Variants in TGFBR2 observed in about 807,000 individuals in gnomAD.
TGFBR2 encodes the protein transforming growth factor beta receptor 2.
TGFBR2 carries 18 observed loss-of-function variants against 49.0 expected under a neutral mutation model. The ratio of observed to expected loss-of-function variants is 0.37; its 90% CI spans 0.25 to 0.54. The LOEUF is 0.54. Among genes scored for constraint, TGFBR2 ranks in the 20% least tolerant of loss-of-function variants. The probability of loss-of-function intolerance (pLI) is 0.85; values close to 1 mark genes in which losing one functional copy is unlikely to be tolerated. For missense variants in TGFBR2, 525 were observed against 722.6 expected (o/e 0.73, Z 3.13); for synonymous variants, 282 against 275.9 (o/e 1.02, Z -0.22).
chr3:30,638,812 G>A (rs1698589905), intron 1 of TGFBR2, among the ~76,000 whole-genome samples: 2 of 152,240 alleles, frequency 1.3e-5, no homozygotes, highest in South Asian at 4.2e-4. Context: ...GTTCTGGGTG[G>A]GAGGAAGTGT....
chr3:30,638,532 A>G (rs1389951319), intron 1 of TGFBR2, among the ~76,000 whole-genome samples: 1 of 152,164 alleles, frequency 6.6e-6, no homozygotes, highest in African/African-American at 2.4e-5. Context: ...CTCTTCTCTC[A>G]AGGTATAATT....
intron 1 of TGFBR2, among the ~76,000 whole-genome samples, chr3:30,626,068 G>T (rs1008054596): frequency 6.6e-6 from 1 of 152,148 alleles, no homozygotes; most frequent in Non-Finnish European, 1.5e-5. Flanking sequence ...CCCTGGGGTA[G>T]GACTTTGGCA....
At chr3:30,609,247 T>C (rs1049503543) in intron 1 of TGFBR2, among the ~76,000 whole-genome samples, 1 of 152,356 alleles carries the variant, frequency 6.6e-6, no homozygotes, top group East Asian at 1.9e-4. Flanking sequence ...AAGACAGATA[T>C]ATTGAAGACG....
rs1210414448 is a variant in TGFBR2 at position 30,607,836 on chromosome 3, TA to T, written c.94+861del. Among the ~76,000 whole-genome samples, 470 of 125,974 alleles carry T rather than the reference TA, an allele frequency of 3.7e-3. 5 individuals are homozygous for T. The highest frequency in any genetic ancestry group is 0.019 in the African/African-American group (453 of 23,520). 82.6% of individuals were successfully genotyped at this position (125,974 alleles called of 152,430 possible). On this transcript the variant is annotated intron_variant, in intron 1 of 6. Transcript: ENST00000295754. Reference sequence around the variant, plus strand: ...TATTATATATATATAAATATATATATAATTATATATATAAATATATATAATA... The same window carrying T: ...TATTATATATATATAAATATATATATATTATATATATAAATATATATAATA...
At position 30,674,099 on chromosome 3, in the gene TGFBR2, C is replaced by A. The variant is rs2125438683; in HGVS notation, c.1255-6C>A. ...TGATGGGCCTCACTGTCTGTTTTTG[C>A]TATAGGTGGGAACTGCAAGATACAT... On this transcript the variant is annotated splice_region_variant and splice_polypyrimidine_tract_variant and intron_variant, in intron 4 of 6. Coordinates refer to ENST00000295754, the MANE Select transcript of TGFBR2 (RefSeq NM_003242.6). The A allele has an allele frequency of 6.2e-7, 1 of 1,614,086 alleles. No individual in the cohort carries two copies. The highest frequency in any genetic ancestry group is 8.5e-7 in the Non-Finnish European group (1 of 1,179,990).
intron 1 of TGFBR2, among the ~76,000 whole-genome samples, chr3:30,615,893 G>GT (rs140474658): frequency 0.022 from 3,337 of 151,722 alleles, 48 homozygotes; most frequent in Middle Eastern, 0.034. Flanking sequence ...AGACCGGCCA[G>GT]TTTTTTGTTT....
At chr3:30,634,500 C>A (rs1698492637) in intron 1 of TGFBR2, among the ~76,000 whole-genome samples, 1 of 152,100 alleles carries the variant, frequency 6.6e-6, no homozygotes, top group Non-Finnish European at 1.5e-5. Flanking sequence ...GTCCCCCTTC[C>A]CTCAAGGGTT....
In TGFBR2 at chr3:30,693,023, T is replaced by C. The variant is rs1202453218; in HGVS notation, c.*1424T>C. ...CCTAACCAAGGTCCCTTGTAAGAAA[T>C]GTCCATTCAAGCAGTCATTCTCTGG... On this transcript the variant is annotated 3_prime_UTR_variant, in exon 7 of 7. Coordinates refer to ENST00000295754, the MANE Select transcript of TGFBR2 (RefSeq NM_003242.6). 1 of 233,128 alleles carries C rather than the reference T, an allele frequency of 4.3e-6. No homozygotes were observed. The highest frequency in any genetic ancestry group is 5.6e-5 in the Admixed American group (1 of 17,772). 14.4% of individuals were successfully genotyped at this position (233,128 alleles called of 1,614,324 possible). A position where few individuals can be genotyped will look rare whatever the true frequency, so the allele number is the denominator to read the frequency against.
In TGFBR2 at chr3:30,615,016, A is replaced by T. The variant is rs143548896; in HGVS notation, c.94+8039A>T. The stretch of plus-strand genomic sequence containing the variant: ...AGTGTAATAAAATAACACTCGGTTT[A>T]TACACCAGGTAGTCAAACATCATGC... On this transcript the variant is annotated intron_variant, in intron 1 of 6. Transcript: ENST00000295754. Among the ~76,000 whole-genome samples, 66 of 152,352 alleles carry T rather than the reference A, an allele frequency of 4.3e-4. 2 individuals are homozygous for T. The East Asian group carries it at 0.012, about 28-fold the overall frequency.
intron 3 of TGFBR2, among the ~76,000 whole-genome samples, chr3:30,653,582 A>G (rs1698940314): frequency 6.6e-6 from 1 of 151,880 alleles, no homozygotes; most frequent in Non-Finnish European, 1.5e-5. Context: ...TGATTTGTCT[A>G]CTCCAAGTCC....
intron 3 of TGFBR2, among the ~76,000 whole-genome samples, chr3:30,652,522 C>T (rs755016291): frequency 3.9e-5 from 6 of 152,158 alleles, no homozygotes; most frequent in Non-Finnish European, 5.9e-5. Context: ...GCATGAACCA[C>T]TGTGCTTGGC....
chr3:30,610,718 A>G, intron 1 of TGFBR2, among the ~76,000 whole-genome samples: 1 of 152,190 alleles, frequency 6.6e-6, no homozygotes, highest in East Asian at 1.9e-4. Flanking sequence ...ATATTGTTTT[A>G]AAGTATTTAA....
intron 1 of TGFBR2, among the ~76,000 whole-genome samples, chr3:30,627,279 A>G (rs1481808601): frequency 6.6e-6 from 1 of 152,148 alleles, no homozygotes; most frequent in African/African-American, 2.4e-5. Flanking sequence ...GGCCTCCCTC[A>G]TAGACATTTT....
intron 1 of TGFBR2, among the ~76,000 whole-genome samples, chr3:30,628,540 T>G (rs1195587417): frequency 1.4e-5 from 2 of 148,112 alleles, no homozygotes; most frequent in South Asian, 2.1e-4. Context: ...TTTTTTTTTT[T>G]TTTTTTTTTT....
intron 1 of TGFBR2, among the ~76,000 whole-genome samples, chr3:30,643,739 G>T (rs1303866572): frequency 1.3e-5 from 2 of 152,228 alleles, no homozygotes; most frequent in Non-Finnish European, 2.9e-5. Context: ...GTGAGGTGGA[G>T]AAAGTTTCAT....
intron 2 of TGFBR2, among the ~76,000 whole-genome samples, chr3:30,648,456 A>ACC (rs1698816082): frequency 7.1e-6 from 1 of 140,184 alleles, no homozygotes; most frequent in African/African-American, 2.7e-5. Flanking sequence ...ACACACACAC[A>ACC]CACACAAAAC....
chr3:30,645,623 T>C (rs993885879), intron 2 of TGFBR2, among the ~76,000 whole-genome samples: 1 of 151,836 alleles, frequency 6.6e-6, no homozygotes, highest in African/African-American at 2.4e-5. Flanking sequence ...GTAGCTGGGA[T>C]TACAGGTGCC....
At chr3:30,630,237 A>G (rs564477384) in intron 1 of TGFBR2, among the ~76,000 whole-genome samples, 1 of 152,302 alleles carries the variant, frequency 6.6e-6, no homozygotes, top group African/African-American at 2.4e-5. Flanking sequence ...AGATAGGTTT[A>G]ATAGATAAGA....
chr3:30,691,345 A>G (rs1699705520), intron 6 of TGFBR2, 75 bp from the exon 7 acceptor site: 7 of 1,545,968 alleles, frequency 4.5e-6, no homozygotes, highest in Non-Finnish European at 6.2e-6. Flanking sequence ...CTATAGCAAC[A>G]AGGTCAGCAG....
Sources: allele counts gnomAD v4.1 joint callset (sites outside exome capture counted in the v4.1 genomes callset), GRCh38; gene constraint gnomAD v4.1.1; transcripts MANE v1.5; gene names NCBI Gene and HGNC (gene_info 2026-07-23, HGNC 2026-07-21).